ATL3: variants seen among roughly 807,000 people sequenced by gnomAD.
ATL3 encodes the protein atlastin GTPase 3.
Under a neutral mutation model 69.5 loss-of-function variants are expected in ATL3, and 49 were observed. The observed-to-expected ratio is 0.71, with a 90% CI of 0.56 to 0.89. The LOEUF (loss-of-function observed/expected upper bound fraction) is 0.89, where lower values mean the gene tolerates loss of function less well. Ranked by LOEUF, ATL3 falls within the 40% of genes least tolerant of loss-of-function variation. The pLI is 0.00. For missense variants in ATL3, 606 were observed against 645.7 expected, an observed-to-expected ratio of 0.94 and a Z score of 0.67; for synonymous variants, 214 against 224.1, an observed-to-expected ratio of 0.95 and a Z score of 0.40.
At chr11:63,666,972 C>T (rs1940590535) in intron 1 of ATL3, among the ~76,000 whole-genome samples, 1 of 152,200 alleles carries the variant, frequency 6.6e-6, no homozygotes, top group Non-Finnish European at 1.5e-5. Flanking sequence ...GAATTTACAA[C>T]ATATGTTTAA....
Position 63,636,219 on chromosome 11 carries a change from C to G in ATL3, c.966G>C (p.Leu322=), listed in dbSNP as rs956008278. Residue 322 remains leucine, a synonymous_variant, in exon 9 of 13, where the codon CTG becomes CTC. Transcript: ENST00000398868. ...NGSKVTCRGL[L]EYFKAYIKIY... The stretch of plus-strand genomic sequence containing the variant: ...AACCCATATTTACCTTAAAATACTC[C>G]AGTAGTCCCCGACAGGTGACCTTTG... 2 of 1,613,848 alleles carry G rather than the reference C, an allele frequency of 1.2e-6. No individual in the cohort carries two copies. Among genetic ancestry groups the G allele is most frequent in the Non-Finnish European group, 1.7e-6 (2 of 1,179,942 alleles).
At chr11:63,656,822 A>C (rs1565280924) in intron 3 of ATL3, among the ~76,000 whole-genome samples, 1 of 152,156 alleles carries the variant, frequency 6.6e-6, no homozygotes, top group African/African-American at 2.4e-5. Context: ...AGAACTCTAC[A>C]CTAAGAGTAA....
chr11:63,655,517 G>A (rs763253762), intron 3 of ATL3, among the ~76,000 whole-genome samples: 6 of 148,940 alleles, frequency 4.0e-5, no homozygotes, highest in East Asian at 4.0e-4. Context: ...GTGCGATCTC[G>A]GCTCACTGCA....
chr11:63,630,426 CAAAAAAAAAAA>C (rs758000337), intron 12 of ATL3, among the ~76,000 whole-genome samples: 1 of 31,280 alleles, frequency 3.2e-5, no homozygotes, highest in East Asian at 1.9e-3. Flanking sequence ...AAATCTGTCT[CAAAAAAAAAAA>C]AAAAAAAAAA....
intron 3 of ATL3, 100 bp downstream of exon 3, chr11:63,658,661 T>G (rs1342983626): frequency 7.7e-7 from 1 of 1,299,724 alleles, no homozygotes; most frequent in Admixed American, 2.8e-5. Context: ...CCATTTTAAA[T>G]TCTTTGATAA....
intron 12 of ATL3, 34 bp from the exon 13 acceptor site, chr11:63,629,439 A>G: frequency 6.4e-7 from 1 of 1,564,828 alleles, no homozygotes. Flanking sequence ...ATATAAGTTA[A>G]TAAAATACAA....
chr11:63,646,439 G>A, intron 6 of ATL3, 68 bp downstream of exon 6: 1 of 958,352 alleles, frequency 1.0e-6, no homozygotes, highest in East Asian at 2.5e-5. Flanking sequence ...TGGCCTATGA[G>A]CTGTAGTTTG....
chr11:63,651,178 C>T (rs1169692638), intron 5 of ATL3, among the ~76,000 whole-genome samples: 4 of 152,032 alleles, frequency 2.6e-5, no homozygotes, highest in Non-Finnish European at 4.4e-5. Flanking sequence ...AGAAAAAGGC[C>T]GGGCGCGGTG....
At chr11:63,634,132 A>T (rs1350680772) in intron 10 of ATL3, among the ~76,000 whole-genome samples, 65 of 143,962 alleles carry the variant, frequency 4.5e-4, no homozygotes, top group Non-Finnish European at 1.8e-4. Flanking sequence ...GGATCACTTG[A>T]GTCCAAGAAT....
Position 63,629,255 on chromosome 11 carries a change from G to T in ATL3, c.*64C>A. On this transcript the variant is annotated 3_prime_UTR_variant, in exon 13 of 13. Transcript: ENST00000398868. The stretch of plus-strand genomic sequence containing the variant: ...TTCCTCTGGATATGAACCTGTGGCC[G>T]TGGCAGAAACCCAGAAATCAGTAGG... 3.0e-6 allele frequency: 4 copies of T among 1,353,170 alleles called. No individual in the cohort carries two copies. Among genetic ancestry groups the T allele is most frequent in the Non-Finnish European group, 4.2e-6 (4 of 943,904 alleles). The allele number at this position is 1,353,170 out of a possible 1,614,324, so 83.8% of individuals were successfully genotyped here.
chr11:63,627,488 A>G lies in ATL3; in HGVS notation c.*1831T>C, dbSNP rs914441843. On this transcript the variant is annotated 3_prime_UTR_variant, in exon 13 of 13. Coordinates refer to ENST00000398868, the MANE Select transcript of ATL3 (RefSeq NM_015459.5). The stretch of plus-strand genomic sequence containing the variant: ...AGTGTCAAAAGAAAATTCTTTGATA[A>G]AGAGATTACATGCGAAAAGGGACTT... 8 of 152,220 alleles carry G rather than the reference A, an allele frequency of 5.3e-5. No individual in the cohort carries two copies. Among genetic ancestry groups the G allele is most frequent in the African/African-American group, 1.4e-4 (6 of 41,466 alleles). The allele number at this position is 152,220 out of a possible 1,614,324, so 9.4% of individuals were successfully genotyped here. A position where few individuals can be genotyped will look rare whatever the true frequency, so the allele number is the denominator to read the frequency against.
chr11:63,669,016 G>C (rs1353284109), intron 1 of ATL3, among the ~76,000 whole-genome samples: 19 of 138,780 alleles, frequency 1.4e-4, no homozygotes, highest in East Asian at 4.1e-4. Flanking sequence ...TTTTTGGGTG[G>C]GGGGGGGCGT....
At chr11:63,629,484 A>G (rs1312847811) in intron 12 of ATL3, 79 bp from the exon 13 acceptor site, 20 of 1,235,198 alleles carry the variant, frequency 1.6e-5, no homozygotes, top group African/African-American at 9.0e-5. Context: ...TAAACTTTCA[A>G]AAACCTGTCT....
At chr11:63,655,496 G>C (rs1044374615) in intron 3 of ATL3, among the ~76,000 whole-genome samples, 1 of 149,456 alleles carries the variant, frequency 6.7e-6, no homozygotes, top group Non-Finnish European at 1.5e-5. Flanking sequence ...TGCCCAGGCG[G>C]AAGTGCAATG....
intron 11 of ATL3, chr11:63,632,128 A>ATTTTTTT: frequency 8.6e-6 from 3 of 350,732 alleles, no homozygotes; most frequent in Non-Finnish European, 5.6e-6. Context: ...ACATGCTTTA[A>ATTTTTTT]TTTTTTTTTT....
In ATL3 at chr11:63,633,310, T is replaced by A. The variant is rs902719731; in HGVS notation, c.1036-213A>T. 6.6e-5 allele frequency among the ~76,000 whole-genome samples: 10 copies of A among 152,314 alleles called. No individual in the cohort carries two copies. In the East Asian group the frequency reaches 1.9e-3, roughly 29 times the overall value. Reference sequence around the variant, plus strand: ...AGGTAGAAGTTCATATACATAGAAATATGTATTCTTATACATAAGAATCTT... The same window carrying A: ...AGGTAGAAGTTCATATACATAGAAAAATGTATTCTTATACATAAGAATCTT... On this transcript the variant is annotated intron_variant, in intron 10 of 12. Transcript: ENST00000398868.
intron 3 of ATL3, among the ~76,000 whole-genome samples, chr11:63,656,457 G>C (rs1266716096): frequency 6.6e-6 from 1 of 152,018 alleles, no homozygotes; most frequent in Non-Finnish European, 1.5e-5. Context: ...CAGCAGACTG[G>C]GCACAGTGGC....
At chr11:63,669,531 T>C (rs565936392) in intron 1 of ATL3, among the ~76,000 whole-genome samples, 1 of 150,846 alleles carries the variant, frequency 6.6e-6, no homozygotes, top group East Asian at 2.0e-4. Context: ...CAAGACTCCT[T>C]CTCACCAGAA....
Position 63,633,032 on chromosome 11 carries a change from C to A in ATL3, c.1101G>T (p.Met367Ile), listed in dbSNP as rs1450781869. ...ASAKDIYYNN[M>I]EEVCGGEKPY... Reference sequence around the variant, plus strand: ...AGGCGTATGTCCCACGTACCTCTTCCATGTTGTTATAATAAATGTCCTTGG... The same window carrying A: ...AGGCGTATGTCCCACGTACCTCTTCAATGTTGTTATAATAAATGTCCTTGG... The change falls in exon 11 of 13, where the codon ATG becomes ATT. Residue 367 changes from methionine to isoleucine, a missense_variant. Coordinates refer to ENST00000398868, the MANE Select transcript of ATL3 (RefSeq NM_015459.5). 1.2e-6 allele frequency: 2 copies of A among 1,614,018 alleles called. No homozygotes were observed. Among genetic ancestry groups the A allele is most frequent in the South Asian group, 2.2e-5 (2 of 91,078 alleles).
Sources: gnomAD v4.1 joint callset for allele counts (sites outside exome capture counted in the v4.1 genomes callset) on GRCh38, gnomAD v4.1.1 for gene constraint, MANE v1.5 for transcripts, NCBI Gene and HGNC (gene_info 2026-07-23, HGNC 2026-07-21) for gene names.